Variants in NEGR1 observed in about 807,000 individuals in gnomAD.
The protein encoded by NEGR1 is IgLON family member 4.
NEGR1 carries 10 observed loss-of-function variants against 40.9 expected under a neutral mutation model. That is an observed-to-expected ratio of 0.24 (90% CI 0.15 to 0.42). The LOEUF (loss-of-function observed/expected upper bound fraction) is 0.42. Among genes scored for constraint, NEGR1 ranks in the 10% least tolerant of loss-of-function variants. The probability of loss-of-function intolerance (pLI) is 1.00; values close to 1 mark genes in which losing one functional copy is unlikely to be tolerated. For synonymous variants in NEGR1, 185 were observed against 166.8 expected (o/e 1.11, Z -0.84); for missense variants, 352 against 438.9 (o/e 0.80, Z 1.77).
intron 1 of NEGR1, among the ~76,000 whole-genome samples, chr1:72,181,598 C>G (rs900053582): frequency 1.3e-5 from 2 of 152,130 alleles, no homozygotes; most frequent in African/African-American, 4.8e-5. Context: ...AATGAAATCA[C>G]CATCTCATAA....
At chr1:71,919,548 A>G (rs1645680663) in intron 2 of NEGR1, among the ~76,000 whole-genome samples, 1 of 150,984 alleles carries the variant, frequency 6.6e-6, no homozygotes, top group Middle Eastern at 3.4e-3. Context: ...TAAAAACTAC[A>G]GTTACTCTTT....
chr1:71,692,476 T>A (rs889271574), intron 4 of NEGR1, among the ~76,000 whole-genome samples: 4 of 151,672 alleles, frequency 2.6e-5, no homozygotes, highest in African/African-American at 7.2e-5. Context: ...CTACTCAAAC[T>A]TTGAACACCG....
At chr1:72,057,692 A>G (rs11807029) in intron 1 of NEGR1, among the ~76,000 whole-genome samples, 1,674 of 151,474 alleles carry the variant, frequency 0.011, 30 homozygotes, top group African/African-American at 0.038. Context: ...GTTTACATAT[A>G]TAACTTTATT....
intron 1 of NEGR1, among the ~76,000 whole-genome samples, chr1:72,143,930 T>TATAAAAA (rs1553145052): frequency 0.018 from 2,508 of 140,480 alleles, 37 homozygotes; most frequent in Non-Finnish European, 0.023. Context: ...TATATATATA[T>TATAAAAA]ATATATATAT....
At chr1:72,217,170 T>C (rs145638995) in intron 1 of NEGR1, among the ~76,000 whole-genome samples, 2,985 of 151,890 alleles carry the variant, frequency 0.02, 46 homozygotes, top group Non-Finnish European at 0.032. Flanking sequence ...CACCATGGAA[T>C]TGAGTTATAG....
chr1:71,901,063 C>T (rs1661131266), intron 2 of NEGR1, among the ~76,000 whole-genome samples: 1 of 152,176 alleles, frequency 6.6e-6, no homozygotes, highest in African/African-American at 2.4e-5. Context: ...TTTTTCTCTA[C>T]TTTAAAATCA....
chr1:72,160,823 T>C (rs1018355158), intron 1 of NEGR1, among the ~76,000 whole-genome samples: 2 of 152,192 alleles, frequency 1.3e-5, no homozygotes, highest in Admixed American at 6.5e-5. Flanking sequence ...CTTATAAAAA[T>C]GTACAAGTAG....
At chr1:71,675,368 C>T (rs999652711) in intron 4 of NEGR1, among the ~76,000 whole-genome samples, 10 of 150,644 alleles carry the variant, frequency 6.6e-5, no homozygotes, top group African/African-American at 2.0e-4. Context: ...AGAATAATTT[C>T]CCATTCACCA....
chr1:71,933,916 A>G (rs1645879378), intron 2 of NEGR1, among the ~76,000 whole-genome samples: 1 of 152,134 alleles, frequency 6.6e-6, no homozygotes, highest in Non-Finnish European at 1.5e-5. Context: ...TTACCTTTAC[A>G]TAAGGAAATA....
At chr1:72,062,832 A>G (rs1025397592) in intron 1 of NEGR1, among the ~76,000 whole-genome samples, 1 of 151,932 alleles carries the variant, frequency 6.6e-6, no homozygotes, top group Non-Finnish European at 1.5e-5. Context: ...TTGCAAAGGA[A>G]ACCAGGGACT....
At chr1:71,743,388 A>G (rs890608971) in intron 3 of NEGR1, among the ~76,000 whole-genome samples, 8 of 151,906 alleles carry the variant, frequency 5.3e-5, no homozygotes, top group African/African-American at 1.7e-4. Context: ...TTGGATAGCT[A>G]ATGATTCAGC....
At chr1:71,432,294 C>A (rs1320150940) in intron 6 of NEGR1, among the ~76,000 whole-genome samples, 1 of 152,002 alleles carries the variant, frequency 6.6e-6, no homozygotes, top group African/African-American at 2.4e-5. Context: ...AGCAATTGCT[C>A]TTTTTTAAAG....
chr1:72,263,048 T>C (rs1418695163), intron 1 of NEGR1, among the ~76,000 whole-genome samples: 1 of 151,798 alleles, frequency 6.6e-6, no homozygotes, highest in Non-Finnish European at 1.5e-5. Flanking sequence ...CAAAGAGGAA[T>C]GACTATTTAA....
chr1:71,637,159 T>C (rs1282915518), intron 4 of NEGR1, among the ~76,000 whole-genome samples: 3 of 152,084 alleles, frequency 2.0e-5, no homozygotes, highest in Non-Finnish European at 4.4e-5. Context: ...TGATTTGAAC[T>C]ATTATAGTTT....
rs559026912 is a variant in NEGR1, at chr1:71,637,509, T to C, written c.668-26363A>G. The stretch of plus-strand genomic sequence containing the variant: ...TTGGTATCATGCAACCCTATTTCTA[T>C]AGATAGCAAAGCAGCAGTAACAGAA... On this transcript the variant is annotated intron_variant, in intron 4 of 6. Coordinates refer to ENST00000357731, the MANE Select transcript of NEGR1 (RefSeq NM_173808.3). 1.5e-3 allele frequency among the ~76,000 whole-genome samples: 229 copies of C among 152,016 alleles called. 2 individuals carry two copies. The highest frequency in any genetic ancestry group is 2.6e-3 in the Non-Finnish European group (179 of 67,958).
chr1:71,591,962 T>C (rs1390788596), intron 6 of NEGR1, among the ~76,000 whole-genome samples: 2 of 152,120 alleles, frequency 1.3e-5, no homozygotes, highest in African/African-American at 2.4e-5. Context: ...AAGACAAATA[T>C]ACATTTGTCA....
intron 3 of NEGR1, among the ~76,000 whole-genome samples, chr1:71,743,323 T>C (rs1049693087): frequency 5.3e-5 from 8 of 151,654 alleles, no homozygotes; most frequent in Admixed American, 1.3e-4. Context: ...GAGGTGAAGA[T>C]AGTACATCAA....
intron 1 of NEGR1, among the ~76,000 whole-genome samples, chr1:72,107,390 T>A (rs115091376): frequency 0.012 from 1,799 of 151,806 alleles, 40 homozygotes; most frequent in African/African-American, 0.041. Context: ...CTGGGAAAAG[T>A]ATGATAGATA....
intron 3 of NEGR1, among the ~76,000 whole-genome samples, chr1:71,703,625 C>T (rs540906191): frequency 6.6e-6 from 1 of 151,434 alleles, no homozygotes; most frequent in Admixed American, 6.6e-5. Flanking sequence ...GTTATTTACA[C>T]AGCAACACAA....
Sources: gnomAD v4.1 joint callset for allele counts (sites outside exome capture counted in the v4.1 genomes callset) on GRCh38, gnomAD v4.1.1 for gene constraint, MANE v1.5 for transcripts, NCBI Gene and HGNC (gene_info 2026-07-23, HGNC 2026-07-21) for gene names.